FMNL3: variants seen among roughly 807,000 people sequenced by gnomAD.
The protein encoded by FMNL3 is formin like 3.
FMNL3 carries 57 observed loss-of-function variants against 119.6 expected under a neutral mutation model. The ratio of observed to expected loss-of-function variants is 0.48; its 90% CI spans 0.39 to 0.59. FMNL3 has a LOEUF of 0.59. Among genes scored for constraint, FMNL3 ranks in the 20% least tolerant of loss-of-function variants. The pLI, the probability that FMNL3 is intolerant of heterozygous loss-of-function variation, is 0.00. For synonymous variants in FMNL3, 491 were observed against 507.3 expected (o/e 0.97, Z 0.43); for missense variants, 1,053 against 1,323.5 (o/e 0.80, Z 3.17).
chr12:49,660,765 C>T (rs1374539050), intron 5 of FMNL3, among the ~76,000 whole-genome samples: 1 of 152,206 alleles, frequency 6.6e-6, no homozygotes, highest in African/African-American at 2.4e-5. Flanking sequence ...CGAGGCCAGC[C>T]TGGGCAGCAT....
At chr12:49,653,624 T>A in intron 12 of FMNL3, 101 bp downstream of exon 12, 3 of 1,537,502 alleles carry the variant, frequency 2.0e-6, no homozygotes. Flanking sequence ...TTCTAAAGCC[T>A]CCCTGGGACT....
rs947020229 is a variant in FMNL3 at position 49,647,139 on chromosome 12, A to G, written c.2872-130T>C. 10 of 1,553,342 alleles carry G rather than the reference A, an allele frequency of 6.4e-6. No homozygotes were observed. In the Admixed American group the frequency reaches 1.0e-4, roughly 16 times the overall value. On this transcript the variant is annotated intron_variant, in intron 24 of 25. Coordinates refer to ENST00000335154, the MANE Select transcript of FMNL3 (RefSeq NM_175736.5). The surrounding 1 kb of genome is among the most constrained non-coding windows in gnomAD (Gnocchi z 4.9). ...AGGAATCCCCAAAGGCCCTCCCTCC[A>G]TCCCTCTGGATGCCAGCCCACTGGC...
In FMNL3 at chr12:49,637,530, C is replaced by G. The variant is rs1942000147; in HGVS notation, c.*8285G>C. On this transcript the variant is annotated 3_prime_UTR_variant, in exon 26 of 26. Transcript: ENST00000335154. ...GCACTCTATGTCCACCTGGATGGAG[C>G]TATATCCAGCAGTCAGCACTGATGT... is the stretch of plus-strand genomic sequence containing the variant. 1 of 1,613,824 alleles carries G rather than the reference C, an allele frequency of 6.2e-7. No homozygotes were observed. Among genetic ancestry groups the G allele is most frequent in the South Asian group, 1.1e-5 (1 of 91,088 alleles).
At chr12:49,673,064 T>C (rs1268498416) in intron 1 of FMNL3, among the ~76,000 whole-genome samples, 1 of 152,152 alleles carries the variant, frequency 6.6e-6, no homozygotes, top group Non-Finnish European at 1.5e-5. Flanking sequence ...TTTATTAATG[T>C]TTTCCCTCTT....
chr12:49,705,842 T>G (rs567314303), intron 1 of FMNL3, among the ~76,000 whole-genome samples: 11 of 152,322 alleles, frequency 7.2e-5, no homozygotes, highest in African/African-American at 2.6e-4. Context: ...CTGGTGCCAG[T>G]GGGCTGATGT....
chr12:49,674,574 C>T (rs1225863943), intron 1 of FMNL3, among the ~76,000 whole-genome samples: 1 of 152,188 alleles, frequency 6.6e-6, no homozygotes, highest in Non-Finnish European at 1.5e-5. Flanking sequence ...TTCTCTAGGC[C>T]CCAGCTGCCC....
At position 49,646,935 on chromosome 12, in the gene FMNL3, G is replaced by C. The variant is rs752198063; in HGVS notation, c.2946C>G (p.His982Gln). Residue 982 changes from histidine to glutamine, a missense_variant, in exon 25 of 26, where the codon CAC becomes CAG. By Grantham distance (24) the His-to-Gln change is conservative. Coordinates refer to ENST00000335154, the MANE Select transcript of FMNL3 (RefSeq NM_175736.5). Reference protein sequence around the residue: ...AELRRRQAKEHRPVYEGKDGT... With the variant: ...AELRRRQAKEQRPVYEGKDGT... ...CATCCTTCCCCTCATAAACAGGCCG[G>C]TGTTCCTTGGCCTGGCGCCGCCTCA... The C allele has an allele frequency of 8.7e-6, 14 of 1,614,082 alleles. No homozygotes were observed. Among genetic ancestry groups the C allele is most frequent in the African/African-American group, 1.3e-5 (1 of 75,024 alleles).
At chr12:49,669,756 T>C (rs1943992034) in intron 1 of FMNL3, among the ~76,000 whole-genome samples, 1 of 152,092 alleles carries the variant, frequency 6.6e-6, no homozygotes, top group Non-Finnish European at 1.5e-5. Context: ...TGCTTGAACC[T>C]GGGAGGTGGA....
At chr12:49,690,532 T>C (rs1944574643) in intron 1 of FMNL3, among the ~76,000 whole-genome samples, 1 of 152,202 alleles carries the variant, frequency 6.6e-6, no homozygotes, top group Non-Finnish European at 1.5e-5. Context: ...CCTAGTGATA[T>C]CAAGAGCACG....
chr12:49,693,636 G>GTTTTTT (rs71080198), intron 1 of FMNL3, among the ~76,000 whole-genome samples: 1 of 63,362 alleles, frequency 1.6e-5, no homozygotes, highest in African/African-American at 6.3e-5. Context: ...CCCAATCTTG[G>GTTTTTT]TTTTTTTTTT....
Position 49,654,992 on chromosome 12 carries a change from A to C in FMNL3, c.886-8T>G, listed in dbSNP as rs755582398. ...GTGCAGCTCCTTGCATACCTGAATG[A>C]GCAAACTTTCTCAGTGAAAGGATCT... On this transcript the variant is annotated splice_polypyrimidine_tract_variant and splice_region_variant and intron_variant, in intron 9 of 25. Transcript: ENST00000335154. 5 of 1,613,654 alleles carry C rather than the reference A, an allele frequency of 3.1e-6. No homozygotes were observed. Among genetic ancestry groups the C allele is most frequent in the Non-Finnish European group, 4.2e-6 (5 of 1,179,838 alleles).
intron 1 of FMNL3, among the ~76,000 whole-genome samples, chr12:49,690,050 A>G (rs948147822): frequency 2.0e-5 from 3 of 152,178 alleles, no homozygotes; most frequent in Admixed American, 6.5e-5. Flanking sequence ...TCACCTCATG[A>G]TCTCACTTGG....
Position 49,645,823 on chromosome 12 carries a change from G to A in FMNL3, c.3076C>T (p.Pro1026Ser), listed in dbSNP as rs779379268. The change falls in exon 26 of 26, where the codon CCC (proline) becomes TCC (serine). Residue 1026 changes from proline (P) to serine (S), a missense_variant. By Grantham distance (74) the Pro-to-Ser change is moderately conservative. This residue lies in a region of FMNL3 where 324 missense variants were observed against 380.9 expected (regional missense o/e 0.85). Transcript: ENST00000335154. The stretch of plus-strand genomic sequence containing the variant: ...CTGCCTCCGAGAGGGTCTCAGTGGG[G>A]GCCTGGAGCCCGAGGGGGACCACTG... ...PPSGPPRAPGPH is the reference protein window; with the variant it reads ...PPSGPPRAPGSH The A allele has an allele frequency of 6.2e-7, 1 of 1,601,778 alleles. No homozygotes were observed. The highest frequency in any genetic ancestry group is 1.1e-5 in the South Asian group (1 of 90,120).
intron 13 of FMNL3, among the ~76,000 whole-genome samples, chr12:49,652,934 A>G (rs921715807): frequency 1.4e-4 from 21 of 152,130 alleles, no homozygotes; most frequent in African/African-American, 4.6e-4. Context: ...GGGGAGAAAA[A>G]TCAATGGGAT....
At chr12:49,693,459 C>G (rs1253867970) in intron 1 of FMNL3, among the ~76,000 whole-genome samples, 1 of 151,582 alleles carries the variant, frequency 6.6e-6, no homozygotes, top group Non-Finnish European at 1.5e-5. Context: ...CTCACTGCAG[C>G]CTCTACCTCC....
At chr12:49,668,362 C>T in intron 2 of FMNL3, 109 bp downstream of exon 2, 1 of 982,076 alleles carries the variant, frequency 1.0e-6, no homozygotes, top group Non-Finnish European at 1.6e-6. Flanking sequence ...CAAGCTTAGG[C>T]CAGGGTTCCT....
rs750255141 is a variant in FMNL3, at chr12:49,637,565, C to T, written c.*8250G>A. The T allele has an allele frequency of 1.9e-6, 3 of 1,613,792 alleles. No individual in the cohort carries two copies. The Admixed American group carries it at 5.0e-5, about 27-fold the overall frequency. On this transcript the variant is annotated 3_prime_UTR_variant, in exon 26 of 26. Transcript: ENST00000335154. ...CAGTCAGCACTGATGTCCGCTTTGCCAACATGCTGGGCCAGCCGGGTAAGG... is the reference window on the plus strand; with the variant it reads ...CAGTCAGCACTGATGTCCGCTTTGCTAACATGCTGGGCCAGCCGGGTAAGG...
At chr12:49,698,086 C>T (rs1405764220) in intron 1 of FMNL3, among the ~76,000 whole-genome samples, 1 of 152,148 alleles carries the variant, frequency 6.6e-6, no homozygotes, top group African/African-American at 2.4e-5. Flanking sequence ...TACCCAACGA[C>T]CAGGCTCATG....
chr12:49,666,390 C>T (rs961126338), intron 2 of FMNL3, among the ~76,000 whole-genome samples, 183 bp from the exon 3 acceptor site: 2 of 152,164 alleles, frequency 1.3e-5, no homozygotes, highest in Non-Finnish European at 2.9e-5. Context: ...CAGGTGTTAC[C>T]ACCTGTTGCC....
Sources: gnomAD v4.1 joint callset for allele counts (sites outside exome capture counted in the v4.1 genomes callset) on GRCh38, gnomAD v4.1.1 for gene constraint, gnomAD v4.1.1 regional missense constraint, Gnocchi (gnomAD v3.1) non-coding constraint, MANE v1.5 for transcripts, NCBI Gene and HGNC (gene_info 2026-07-23, HGNC 2026-07-21) for gene names.